Variants in BCL2 observed in about 807,000 individuals in gnomAD.
BCL2 encodes the protein BCL2 apoptosis regulator, also known as apoptosis regulator Bcl-2.
A neutral mutation model predicts 14.2 loss-of-function variants in BCL2; 1 was observed. That is an observed-to-expected ratio of 0.07 (90% CI 0.02 to 0.33). The LOEUF (loss-of-function observed/expected upper bound fraction) is 0.33, where lower values mean the gene tolerates loss of function less well. Ranked by LOEUF, BCL2 falls within the 10% of genes least tolerant of loss-of-function variation. The probability of loss-of-function intolerance (pLI) is 0.99; values close to 1 mark genes in which losing one functional copy is unlikely to be tolerated. For synonymous variants in BCL2, 151 were observed against 137.2 expected (o/e 1.10, Z -0.70); for missense variants, 247 against 305.9 (o/e 0.81, Z 1.44).
chr18:63,271,598 C>A (rs1015419377), intron 2 of BCL2, among the ~76,000 whole-genome samples: 1 of 152,196 alleles, frequency 6.6e-6, no homozygotes, highest in Non-Finnish European at 1.5e-5. Context: ...ATTCAGCCCC[C>A]ACAAGGCCAA....
intron 2 of BCL2, among the ~76,000 whole-genome samples, chr18:63,157,640 G>A (rs921712562): frequency 5.9e-5 from 9 of 152,128 alleles, no homozygotes; most frequent in South Asian, 2.1e-4. Flanking sequence ...GTGTTTATAC[G>A]CCATATGCCA....
At chr18:63,319,095 C>G in intron 1 of BCL2, 79 bp downstream of exon 1, 1 of 1,042,496 alleles carries the variant, frequency 9.6e-7, no homozygotes, top group Non-Finnish European at 1.2e-6. Context: ...TAAATTTACT[C>G]GAATGCACTT....
At chr18:63,183,565 A>C (rs898588471) in intron 2 of BCL2, among the ~76,000 whole-genome samples, 13 of 152,210 alleles carry the variant, frequency 8.5e-5, no homozygotes, top group African/African-American at 2.4e-4. Context: ...AGAGGGCCAA[A>C]GCAGCCTCTA....
intron 2 of BCL2, among the ~76,000 whole-genome samples, chr18:63,180,049 C>CTTG (rs1568225952): frequency 6.6e-6 from 1 of 152,200 alleles, no homozygotes; most frequent in African/African-American, 2.4e-5. Flanking sequence ...TGGCCATCTA[C>CTTG]GCAATCTATC....
chr18:63,221,223 G>A (rs1362346305), intron 2 of BCL2, among the ~76,000 whole-genome samples: 1 of 152,188 alleles, frequency 6.6e-6, no homozygotes, highest in Admixed American at 6.5e-5. Context: ...ATCTTTAAAT[G>A]CCTTTTGATC....
At chr18:63,284,550 A>T (rs1912411108) in intron 2 of BCL2, among the ~76,000 whole-genome samples, 1 of 152,234 alleles carries the variant, frequency 6.6e-6, no homozygotes, top group Non-Finnish European at 1.5e-5. Context: ...TGTATGCGCC[A>T]GACCCAGCCT....
intron 2 of BCL2, among the ~76,000 whole-genome samples, chr18:63,203,899 T>C (rs1213939344): frequency 1.3e-5 from 2 of 152,248 alleles, no homozygotes; most frequent in Non-Finnish European, 2.9e-5. Flanking sequence ...CTATTCTAGC[T>C]TTCATGTTTT....
At chr18:63,201,846 G>A (rs988034551) in intron 2 of BCL2, among the ~76,000 whole-genome samples, 1 of 152,018 alleles carries the variant, frequency 6.6e-6, no homozygotes, top group Non-Finnish European at 1.5e-5. Flanking sequence ...GGGTCTAGGG[G>A]AGGGATAGCA....
intron 2 of BCL2, among the ~76,000 whole-genome samples, chr18:63,198,710 GACAC>G (rs762935795): frequency 5.5e-5 from 4 of 72,160 alleles, no homozygotes; most frequent in Admixed American, 1.6e-4. Context: ...GACACACAGA[GACAC>G]ACACACACAG....
intron 2 of BCL2, among the ~76,000 whole-genome samples, chr18:63,283,458 T>C (rs74706308): frequency 0.016 from 2,199 of 136,946 alleles, 54 homozygotes; most frequent in African/African-American, 0.052. Context: ...CTCTACCAGT[T>C]TGGTAATAAA....
At chr18:63,177,850 A>G (rs1410075983) in intron 2 of BCL2, among the ~76,000 whole-genome samples, 1 of 152,142 alleles carries the variant, frequency 6.6e-6, no homozygotes, top group African/African-American at 2.4e-5. Flanking sequence ...GGAGGGCTGG[A>G]TCTGCCTCCC....
At chr18:63,260,791 C>A (rs994530615) in intron 2 of BCL2, among the ~76,000 whole-genome samples, 18 of 151,752 alleles carry the variant, frequency 1.2e-4, no homozygotes, top group African/African-American at 4.1e-4. Context: ...GGAACAATAA[C>A]TCCTTCAAAA....
At chr18:63,317,133 A>AT (rs1185527650) in intron 2 of BCL2, 1 of 152,198 alleles carries the variant, frequency 6.6e-6, no homozygotes, top group African/African-American at 2.4e-5. Context: ...CATCTCACAA[A>AT]TGTTCTTCAA....
intron 2 of BCL2, among the ~76,000 whole-genome samples, chr18:63,255,838 C>T (rs1425198746): frequency 6.6e-6 from 1 of 151,356 alleles, no homozygotes. Context: ...CCCCCCCCGC[C>T]ACACACACAA....
At chr18:63,188,431 G>T (rs1915643493) in intron 2 of BCL2, among the ~76,000 whole-genome samples, 1 of 152,122 alleles carries the variant, frequency 6.6e-6, no homozygotes, top group Non-Finnish European at 1.5e-5. Flanking sequence ...TTCAATAAGG[G>T]ATGACTAGTG....
At chr18:63,169,357 CTTTCTTTCTTT>C in intron 2 of BCL2, among the ~76,000 whole-genome samples, 7 of 61,390 alleles carry the variant, frequency 1.1e-4, no homozygotes, top group African/African-American at 5.9e-4. Flanking sequence ...TTCTTTCTTT[CTTTCTTTCTTT>C]CTCTTTCTTT....
chr18:63,138,065 G>C (rs773457570), intron 2 of BCL2, among the ~76,000 whole-genome samples: 1 of 152,180 alleles, frequency 6.6e-6, no homozygotes, highest in Non-Finnish European at 1.5e-5. Context: ...GAGAGAGAAC[G>C]CCAGGAGAAA....
Position 63,126,602 on chromosome 18 carries a change from T to C in BCL2, c.*2023A>G, listed in dbSNP as rs981428539. 7 of 228,906 alleles carry C rather than the reference T, an allele frequency of 3.1e-5. No individual in the cohort carries two copies. Among genetic ancestry groups the C allele is most frequent in the Admixed American group, 5.7e-5 (1 of 17,620 alleles). The allele number at this position is 228,906 out of a possible 1,614,324, so 14.2% of individuals were successfully genotyped here. A position where few individuals can be genotyped will look rare whatever the true frequency, so the allele number is the denominator to read the frequency against. ...AATTCTGTTGACGTGGAAATGCACATGACTTGGTTGAAACAAAGCTCCTCA... is the reference window on the plus strand; with the variant it reads ...AATTCTGTTGACGTGGAAATGCACACGACTTGGTTGAAACAAAGCTCCTCA... On this transcript the variant is annotated 3_prime_UTR_variant, in exon 3 of 3. Transcript: ENST00000333681.
At chr18:63,268,179 G>A (rs1461028395) in intron 2 of BCL2, among the ~76,000 whole-genome samples, 1 of 152,138 alleles carries the variant, frequency 6.6e-6, no homozygotes, top group Non-Finnish European at 1.5e-5. Flanking sequence ...GCCTACCAAT[G>A]AAAAAGAGAG....
Sources: gnomAD v4.1 joint callset for allele counts (sites outside exome capture counted in the v4.1 genomes callset) on GRCh38, gnomAD v4.1.1 for gene constraint, MANE v1.5 for transcripts, NCBI Gene and HGNC (gene_info 2026-07-23, HGNC 2026-07-21) for gene names.